HMGN5: variants seen among roughly 807,000 people sequenced by gnomAD.
The protein encoded by HMGN5 is high mobility group nucleosome binding domain 5.
Under a neutral mutation model 9.5 loss-of-function variants are expected in HMGN5, and 4 were observed. The observed-to-expected ratio is 0.42, with a 90% CI of 0.21 to 0.96. The LOEUF is 0.96. Among genes scored for constraint, HMGN5 ranks in the 40% least tolerant of loss-of-function variants. The pLI is 0.30. For synonymous variants in HMGN5, 55 were observed against 57.1 expected (o/e 0.96, Z 0.16); for missense variants, 192 against 187.5 (o/e 1.02, Z -0.14).
At chrX:81,135,133 C>T (rs766647534) in intron 1 of HMGN5, among the ~76,000 whole-genome samples, 6 of 111,330 alleles carry the variant, frequency 5.4e-5, no homozygotes, top group Non-Finnish European at 1.1e-4. Flanking sequence ...TGGACTTCAT[C>T]GATTTTAAAT....
chrX:81,161,262 A>G (rs1490646161), intron 1 of HMGN5, among the ~76,000 whole-genome samples: 7 of 111,125 alleles, frequency 6.3e-5, no homozygotes. Context: ...GTCTTCAATC[A>G]GTGATATGGA....
chrX:81,180,241 G>T (rs1191807481), intron 1 of HMGN5, among the ~76,000 whole-genome samples: 3 of 111,325 alleles, frequency 2.7e-5, no homozygotes, highest in Admixed American at 9.5e-5. Flanking sequence ...CACAGCAAAA[G>T]AAACTACCAT....
chrX:81,168,019 G>T (rs1008695434), intron 1 of HMGN5, among the ~76,000 whole-genome samples: 2 of 112,140 alleles, frequency 1.8e-5, no homozygotes, highest in African/African-American at 3.2e-5. Flanking sequence ...AATGAACAAA[G>T]ACTTCTTGTT....
chrX:81,170,053 CAAAAA>C (rs397896203), intron 1 of HMGN5, among the ~76,000 whole-genome samples: 1 of 34,798 alleles, frequency 2.9e-5, no homozygotes, highest in African/African-American at 8.9e-5. Flanking sequence ...GACCCCGTCT[CAAAAA>C]AAAAAAAAAA....
intron 1 of HMGN5, among the ~76,000 whole-genome samples, chrX:81,129,191 A>C (rs1216353883): frequency 9.0e-6 from 1 of 111,483 alleles, no homozygotes; most frequent in Non-Finnish European, 1.9e-5. Flanking sequence ...CATCTCTGAG[A>C]ATGATTGGGA....
intron 1 of HMGN5, among the ~76,000 whole-genome samples, chrX:81,165,114 T>C (rs972183638): frequency 5.4e-5 from 6 of 111,515 alleles, no homozygotes; most frequent in Non-Finnish European, 9.4e-5. Flanking sequence ...ATATTGAAAG[T>C]ACCTAAGAAT....
At chrX:81,138,892 GAAAAT>G in intron 1 of HMGN5, among the ~76,000 whole-genome samples, 1 of 111,418 alleles carries the variant, frequency 9.0e-6, no homozygotes, top group Non-Finnish European at 1.9e-5. Context: ...TTGTTAGAAA[GAAAAT>G]AAAATATTTA....
At chrX:81,130,147 A>G (rs1328816500) in intron 1 of HMGN5, among the ~76,000 whole-genome samples, 1 of 111,413 alleles carries the variant, frequency 9.0e-6, no homozygotes, top group African/African-American at 3.3e-5. Context: ...GGTGGTTGGC[A>G]TAAGTCTGGA....
rs749667989 is a variant in HMGN5 at position 81,114,409 on chromosome X, A to T, written c.*240T>A. On this transcript the variant is annotated 3_prime_UTR_variant, in exon 7 of 7. Transcript: ENST00000358130. ...ATATAACTTACACAACACGAAATTC[A>T]CTCACAAAGTTGAAAGCATATTTTT... The T allele has an allele frequency of 8.0e-6, 2 of 251,488 alleles. No individual in the cohort carries two copies. Among genetic ancestry groups the T allele is most frequent in the South Asian group, 2.3e-4 (1 of 4,349 alleles). 20.7% of individuals were successfully genotyped at this position (251,488 alleles called of 1,213,427 possible).
At chrX:81,146,829 C>T (rs758704786) in intron 1 of HMGN5, among the ~76,000 whole-genome samples, 1 of 111,580 alleles carries the variant, frequency 9.0e-6, no homozygotes, top group South Asian at 3.8e-4. Flanking sequence ...ACCACCGATC[C>T]CACAGAAATA....
intron 1 of HMGN5, among the ~76,000 whole-genome samples, chrX:81,163,356 T>C (rs147338992): frequency 1.2e-3 from 131 of 112,438 alleles, no homozygotes; most frequent in African/African-American, 4.2e-3. Context: ...AATCTGAGAT[T>C]AATGAATCAA....
chrX:81,126,087 G>T (rs910438443), intron 1 of HMGN5, among the ~76,000 whole-genome samples: 1 of 98,196 alleles, frequency 1.0e-5, no homozygotes, highest in Admixed American at 1.2e-4. Context: ...GGCAGAGGTT[G>T]CAATGAGCCG....
intron 1 of HMGN5, among the ~76,000 whole-genome samples, chrX:81,187,089 A>T (rs1330148500): frequency 8.9e-6 from 1 of 111,919 alleles, no homozygotes; most frequent in Non-Finnish European, 1.9e-5. Context: ...TATTTTTAAA[A>T]ATTTTTAAAG....
At chrX:81,157,786 AT>A (rs1039231915) in intron 1 of HMGN5, among the ~76,000 whole-genome samples, 71 of 107,255 alleles carry the variant, frequency 6.6e-4, no homozygotes, top group African/African-American at 2.0e-3. Flanking sequence ...GGTAAAATAA[AT>A]TTTTTTTTTT....
At chrX:81,132,985 G>C (rs908751829) in intron 1 of HMGN5, among the ~76,000 whole-genome samples, 5 of 111,424 alleles carry the variant, frequency 4.5e-5, no homozygotes, top group Admixed American at 9.6e-5. Flanking sequence ...TCCAGCATCT[G>C]CAAGGAACTT....
At chrX:81,131,361 C>T (rs1379928958) in intron 1 of HMGN5, among the ~76,000 whole-genome samples, 3 of 111,215 alleles carry the variant, frequency 2.7e-5, no homozygotes, top group African/African-American at 6.5e-5. Flanking sequence ...GATGACATTT[C>T]GTTTTTCTTT....
chrX:81,117,956 C>A, intron 5 of HMGN5, among the ~76,000 whole-genome samples: 1 of 109,798 alleles, frequency 9.1e-6, no homozygotes, highest in Admixed American at 9.8e-5. Context: ...TATATAAGTC[C>A]ATACAAAATC....
At chrX:81,199,073 A>C (rs1183413854) in intron 1 of HMGN5, among the ~76,000 whole-genome samples, 1 of 111,807 alleles carries the variant, frequency 8.9e-6, no homozygotes, top group African/African-American at 3.3e-5. Flanking sequence ...AAGCATTCCT[A>C]TACACCAATA....
intron 1 of HMGN5, among the ~76,000 whole-genome samples, chrX:81,139,781 C>A (rs1218549227): frequency 8.9e-6 from 1 of 112,075 alleles, no homozygotes; most frequent in Non-Finnish European, 1.9e-5. Context: ...TGCCTGTCCA[C>A]AGAGGGAGCA....
Sources: allele counts gnomAD v4.1 joint callset (sites outside exome capture counted in the v4.1 genomes callset), GRCh38; gene constraint gnomAD v4.1.1; transcripts MANE v1.5; gene names NCBI Gene and HGNC (gene_info 2026-07-23, HGNC 2026-07-21).